The following PCDH15 variants were observed in gnomAD, a reference collection of about 807,000 sequenced individuals.
PCDH15 encodes the protein protocadherin-15.
PCDH15 carries 129 observed loss-of-function variants against 178.5 expected under a neutral mutation model. That is an observed-to-expected ratio of 0.72 (90% CI 0.63 to 0.84). PCDH15 has a LOEUF of 0.84. PCDH15 is among the 40% of genes least tolerant of loss of function. PCDH15 has a pLI of 0.00. For synonymous variants in PCDH15, 800 were observed against 732.0 expected, an observed-to-expected ratio of 1.09 and a Z score of -1.50; for missense variants, 2,230 against 2,099.9, an observed-to-expected ratio of 1.06 and a Z score of -1.21.
At chr10:54,469,752 T>C (rs2077768385) in intron 3 of PCDH15, among the ~76,000 whole-genome samples, 2 of 152,262 alleles carry the variant, frequency 1.3e-5, no homozygotes, top group Middle Eastern at 3.4e-3. Context: ...GAGTGGGTCC[T>C]CTGGCTCCAA....
chr10:54,962,101 T>A (rs752740870), intron 2 of PCDH15, among the ~76,000 whole-genome samples: 9 of 152,212 alleles, frequency 5.9e-5, no homozygotes, highest in Non-Finnish European at 1.2e-4. Context: ...GACAAGAATT[T>A]GGGATCCACT....
At chr10:55,226,185 A>G (rs1430841369) in intron 1 of PCDH15, among the ~76,000 whole-genome samples, 4 of 152,126 alleles carry the variant, frequency 2.6e-5, no homozygotes, top group Admixed American at 2.6e-4. Flanking sequence ...ACTGGCAGCC[A>G]ATAAATAGTT....
chr10:55,205,504 A>C (rs2132163701), intron 1 of PCDH15, among the ~76,000 whole-genome samples: 1 of 152,174 alleles, frequency 6.6e-6, no homozygotes, highest in African/African-American at 2.4e-5. Flanking sequence ...ATATAATATT[A>C]GTTAATAGTC....
intron 25 of PCDH15, among the ~76,000 whole-genome samples, chr10:53,919,706 G>A (rs1482308099): frequency 6.6e-6 from 1 of 152,132 alleles, no homozygotes; most frequent in South Asian, 2.1e-4. Context: ...TTAAAAACCT[G>A]AAGTAATCCT....
chr10:54,620,577 C>G (rs965629487), intron 2 of PCDH15, among the ~76,000 whole-genome samples: 2 of 152,068 alleles, frequency 1.3e-5, no homozygotes, highest in Non-Finnish European at 1.5e-5. Flanking sequence ...ATTTAAACCA[C>G]TGAATGGTCT....
intron 2 of PCDH15, among the ~76,000 whole-genome samples, chr10:54,966,396 C>G (rs983100791): frequency 1.1e-4 from 16 of 151,980 alleles, no homozygotes; most frequent in African/African-American, 3.9e-4. Context: ...GTGATTTGTT[C>G]ACTGAACATC....
chr10:54,581,014 G>C (rs760854938), intron 2 of PCDH15, among the ~76,000 whole-genome samples: 8 of 151,956 alleles, frequency 5.3e-5, no homozygotes, highest in Non-Finnish European at 8.8e-5. Context: ...GGGCAAAAGC[G>C]GGATCAATCC....
intron 3 of PCDH15, among the ~76,000 whole-genome samples, chr10:54,397,872 A>T (rs1951444884): frequency 6.6e-6 from 1 of 151,814 alleles, no homozygotes; most frequent in African/African-American, 2.4e-5. Flanking sequence ...TCTGTTTCAA[A>T]GTCAATGTAC....
At chr10:55,356,045 C>T (rs1444076668) in intron 2 of PCDH15, among the ~76,000 whole-genome samples, 1 of 151,800 alleles carries the variant, frequency 6.6e-6, no homozygotes, top group African/African-American at 2.4e-5. Flanking sequence ...CTCTCATAAA[C>T]CAGGTATATG....
chr10:54,487,311 G>A (rs564189867), intron 3 of PCDH15, among the ~76,000 whole-genome samples: 2 of 152,002 alleles, frequency 1.3e-5, no homozygotes, highest in Non-Finnish European at 2.9e-5. Flanking sequence ...TGGACGTAAA[G>A]TGTGGAATGA....
intron 2 of PCDH15, among the ~76,000 whole-genome samples, chr10:54,662,259 C>A (rs1478829157): frequency 6.6e-6 from 1 of 151,754 alleles, no homozygotes; most frequent in Non-Finnish European, 1.5e-5. Flanking sequence ...AGACACTTCC[C>A]AAAAGAAGAA....
chr10:54,458,130 T>C (rs375092639), intron 3 of PCDH15, among the ~76,000 whole-genome samples: 2 of 152,196 alleles, frequency 1.3e-5, no homozygotes, highest in South Asian at 4.1e-4. Context: ...TTTATTAAAG[T>C]TGAAGATTCT....
intron 21 of PCDH15, among the ~76,000 whole-genome samples, chr10:53,966,755 T>C (rs1031846077): frequency 2.6e-5 from 4 of 151,936 alleles, no homozygotes; most frequent in African/African-American, 9.7e-5. Context: ...TAAAATATAA[T>C]AGATATGATC....
chr10:55,087,920 A>G lies in PCDH15; in HGVS notation c.-80+78656T>C, dbSNP rs191457334. On this transcript the variant is annotated intron_variant, in intron 2 of 5. Transcript: ENST00000458638. ...TTAGATTAAATTTAGAGAATAAAAG[A>G]TTTATAGATATTACTAATATTCACT... 6.5e-4 allele frequency among the ~76,000 whole-genome samples: 99 copies of G among 152,272 alleles called. 1 individual carries two copies. The Middle Eastern group carries it at 0.01, about 16-fold the overall frequency.
chr10:55,338,723 C>T (rs904663418), intron 2 of PCDH15, among the ~76,000 whole-genome samples: 17 of 151,900 alleles, frequency 1.1e-4, no homozygotes, highest in Admixed American at 5.3e-4. Context: ...TGCAGTGAGC[C>T]GAGACCATGT....
At chr10:53,813,775 C>T (rs918913587) in intron 35 of PCDH15, among the ~76,000 whole-genome samples, 12 of 151,878 alleles carry the variant, frequency 7.9e-5, no homozygotes, top group African/African-American at 1.2e-4. Context: ...CAGGTACCAA[C>T]GAAATATATT....
chr10:54,520,930 G>A (rs1472348689), intron 3 of PCDH15, among the ~76,000 whole-genome samples: 3 of 151,530 alleles, frequency 2.0e-5, no homozygotes, highest in Non-Finnish European at 2.9e-5. Flanking sequence ...CGGATGAAAC[G>A]AAAACATCAT....
intron 1 of PCDH15, among the ~76,000 whole-genome samples, chr10:55,171,806 G>GA (rs1308540518): frequency 6.6e-6 from 1 of 151,800 alleles, no homozygotes; most frequent in Non-Finnish European, 1.5e-5. Context: ...ATAAGGATTT[G>GA]ATTAGTGATC....
At chr10:55,185,830 C>T (rs1158695277) in intron 1 of PCDH15, among the ~76,000 whole-genome samples, 1 of 151,162 alleles carries the variant, frequency 6.6e-6, no homozygotes, top group Non-Finnish European at 1.5e-5. Flanking sequence ...ATAAAGAGGC[C>T]CTCTGCATGG....
Sources: gnomAD v4.1 joint callset for allele counts (sites outside exome capture counted in the v4.1 genomes callset) on GRCh38, gnomAD v4.1.1 for gene constraint, MANE v1.5 for transcripts, NCBI Gene and HGNC (gene_info 2026-07-23, HGNC 2026-07-21) for gene names.